The following RBFOX2 variants were observed in gnomAD, a reference collection of about 807,000 sequenced individuals.
RBFOX2 encodes the protein RNA binding fox-1 homolog 2.
RBFOX2 carries 10 observed loss-of-function variants against 49.1 expected under a neutral mutation model. The ratio of observed to expected loss-of-function variants is 0.20; its 90% CI spans 0.13 to 0.35. The LOEUF is 0.35. Among genes scored for constraint, RBFOX2 ranks in the 10% least tolerant of loss-of-function variants. The pLI is 1.00. For synonymous variants in RBFOX2, 183 were observed against 187.4 expected, an observed-to-expected ratio of 0.98 and a Z score of 0.19; for missense variants, 323 against 486.9, an observed-to-expected ratio of 0.66 and a Z score of 3.17.
At chr22:36,005,945 T>C (rs1187582647) in intron 1 of RBFOX2, among the ~76,000 whole-genome samples, 1 of 152,216 alleles carries the variant, frequency 6.6e-6, no homozygotes, top group African/African-American at 2.4e-5. Flanking sequence ...AATCCCTCTC[T>C]CATAACTCAG....
intron 1 of RBFOX2, among the ~76,000 whole-genome samples, chr22:35,828,743 TAAC>T (rs1202414878): frequency 6.6e-6 from 1 of 152,138 alleles, no homozygotes. Context: ...TAGTCCTGTC[TAAC>T]AAAGCTTAAA....
At chr22:35,981,876 G>A (rs561944692) in intron 1 of RBFOX2, among the ~76,000 whole-genome samples, 1 of 152,182 alleles carries the variant, frequency 6.6e-6, no homozygotes, top group Admixed American at 6.6e-5. Context: ...AGAATTCACT[G>A]TATACCCTGT....
upstream of RBFOX2, among the ~76,000 whole-genome samples, chr22:35,962,428 T>C (rs1300294727): frequency 1.3e-5 from 2 of 152,166 alleles, no homozygotes; most frequent in Non-Finnish European, 2.9e-5. Flanking sequence ...ACTGACAAAA[T>C]TAATGTAAAT....
At chr22:35,781,568 G>A (rs771106181) in intron 3 of RBFOX2, 32 bp downstream of exon 4, 11 of 1,601,394 alleles carry the variant, frequency 6.9e-6, no homozygotes, top group East Asian at 6.7e-5. Flanking sequence ...TACTTTAATT[G>A]TAAAATCCAT....
intron 2 of RBFOX2, among the ~76,000 whole-genome samples, chr22:35,807,885 A>C (rs943935386): frequency 6.6e-6 from 1 of 152,112 alleles, no homozygotes; most frequent in African/African-American, 2.4e-5. Context: ...CAAATCAAGA[A>C]TATAAACAGG....
intron 1 of RBFOX2, among the ~76,000 whole-genome samples, chr22:35,989,308 G>A (rs1193660939): frequency 6.6e-6 from 1 of 152,182 alleles, no homozygotes; most frequent in African/African-American, 2.4e-5. Flanking sequence ...TTTTTAAGTG[G>A]TGGGCTGAGG....
chr22:35,947,453 A>T lies in RBFOX2; in HGVS notation c.43-8556T>A, dbSNP rs192760958. ...TAGAGTGTGCTCCTTCTACTTATGTAAAAAAAAAAGTTACCTCAGGGAGGT... is the reference window on the plus strand; with the variant it reads ...TAGAGTGTGCTCCTTCTACTTATGTTAAAAAAAAAGTTACCTCAGGGAGGT... On this transcript the variant is annotated intron_variant, in intron 1 of 5. Transcript: ENST00000408983. Among the ~76,000 whole-genome samples, 171 of 147,728 alleles carry T rather than the reference A, an allele frequency of 1.2e-3. 1 individual carries two copies. The highest frequency in any genetic ancestry group is 4.0e-3 in the African/African-American group (160 of 40,340).
At chr22:35,740,667 TCC>T (rs1293176634) in exon 12 of RBFOX2, 1 of 152,522 alleles carries the variant, frequency 6.6e-6, no homozygotes, top group Non-Finnish European at 1.5e-5. Flanking sequence ...TTCCCCTTTC[TCC>T]TCCTTAAACA....
chr22:35,955,935 C>G (rs1416394682), intron 1 of RBFOX2, among the ~76,000 whole-genome samples: 1 of 152,158 alleles, frequency 6.6e-6, no homozygotes, highest in Non-Finnish European at 1.5e-5. Flanking sequence ...ATTTTAATAG[C>G]CTTTTCGCCT....
chr22:35,925,575 C>T (rs144459603), intron 1 of RBFOX2, among the ~76,000 whole-genome samples: 3 of 152,170 alleles, frequency 2.0e-5, no homozygotes, highest in South Asian at 2.1e-4. Flanking sequence ...TGAGTCAGCT[C>T]GCAAATAAAT....
At chr22:35,931,476 G>C (rs1427961582) in intron 1 of RBFOX2, among the ~76,000 whole-genome samples, 2 of 152,042 alleles carry the variant, frequency 1.3e-5, no homozygotes, top group Non-Finnish European at 2.9e-5. Flanking sequence ...ACTGCTAAAA[G>C]GTATGGGGTT....
chr22:35,921,352 G>A (rs2051000531), intron 1 of RBFOX2, among the ~76,000 whole-genome samples: 1 of 152,196 alleles, frequency 6.6e-6, no homozygotes, highest in African/African-American at 2.4e-5. Flanking sequence ...TGTTAAAACA[G>A]ATTACTGGAC....
intron 1 of RBFOX2, among the ~76,000 whole-genome samples, chr22:35,887,699 C>T (rs1305276061): frequency 6.6e-6 from 1 of 152,114 alleles, no homozygotes; most frequent in African/African-American, 2.4e-5. Context: ...ATTTCATCTC[C>T]ATTGTTAGTC....
At chr22:35,934,481 T>C (rs1164786424) in intron 1 of RBFOX2, among the ~76,000 whole-genome samples, 1 of 152,118 alleles carries the variant, frequency 6.6e-6, no homozygotes, top group Non-Finnish European at 1.5e-5. Context: ...CCTGGGACTG[T>C]TTGAAACTAA....
chr22:35,886,304 A>G (rs1160757750), intron 1 of RBFOX2, among the ~76,000 whole-genome samples: 3 of 152,176 alleles, frequency 2.0e-5, no homozygotes, highest in Non-Finnish European at 4.4e-5. Context: ...ATTTAATAAT[A>G]GTGAAAGATG....
At chr22:35,848,842 C>T (rs1184619546) in intron 1 of RBFOX2, among the ~76,000 whole-genome samples, 1 of 152,124 alleles carries the variant, frequency 6.6e-6, no homozygotes, top group East Asian at 1.9e-4. Context: ...CAGAGGTCAT[C>T]TGGCCCAACT....
At position 35,749,837 on chromosome 22, in the gene RBFOX2, C is replaced by T. The variant is rs537277550; in HGVS notation, c.888-3276G>A. On this transcript the variant is annotated intron_variant, in intron 9 of 11. Transcript: ENST00000405409. The surrounding 1 kb of genome is among the most constrained non-coding windows in gnomAD (Gnocchi z 4.1). ...GGTTCAGGCGTGGGGAGGGATATGGCGCCACATTTATTAATCACATTAAAA... is the reference window on the plus strand; with the variant it reads ...GGTTCAGGCGTGGGGAGGGATATGGTGCCACATTTATTAATCACATTAAAA... 6.6e-6 allele frequency among the ~76,000 whole-genome samples: 1 copy of T among 152,160 alleles called. No homozygotes were observed. The highest frequency in any genetic ancestry group is 1.9e-4 in the East Asian group (1 of 5,172).
At chr22:35,893,944 T>C (rs1313549577) in intron 1 of RBFOX2, among the ~76,000 whole-genome samples, 1 of 152,098 alleles carries the variant, frequency 6.6e-6, no homozygotes, top group East Asian at 1.9e-4. Flanking sequence ...CAACAGCTGT[T>C]TGCTCAAGAG....
In RBFOX2 at chr22:35,955,016, C is replaced by G. The variant is rs189514758; in HGVS notation, c.42+6547G>C. ...ACTCAATTTACTTCACACCTTGGCA[C>G]GTTCTCAAACATCAACTCAAGCAAA... On this transcript the variant is annotated intron_variant, in intron 1 of 5. Coordinates refer to the RBFOX2 transcript ENST00000408983. Among the ~76,000 whole-genome samples the G allele has an allele frequency of 3.3e-5, 5 of 152,298 alleles. No homozygotes were observed. In the East Asian group the frequency reaches 9.6e-4, roughly 29 times the overall value.
Sources: allele counts gnomAD v4.1 joint callset (sites outside exome capture counted in the v4.1 genomes callset), GRCh38; gene constraint gnomAD v4.1.1; non-coding constraint Gnocchi (gnomAD v3.1); transcripts MANE v1.5; gene names NCBI Gene and HGNC (gene_info 2026-07-23, HGNC 2026-07-21).